CAT: variants seen among roughly 807,000 people sequenced by gnomAD.
CAT encodes catalase, also known as epididymis secretory sperm binding protein.
CAT carries 43 observed loss-of-function variants against 59.0 expected under a neutral mutation model. The ratio of observed to expected loss-of-function variants is 0.73; its 90% CI spans 0.57 to 0.94. The LOEUF (loss-of-function observed/expected upper bound fraction) is 0.94. Ranked by LOEUF, CAT falls within the 40% of genes least tolerant of loss-of-function variation. CAT has a pLI of 0.00. For missense variants in CAT, 664 were observed against 682.9 expected, an observed-to-expected ratio of 0.97 and a Z score of 0.31; for synonymous variants, 218 against 230.9, an observed-to-expected ratio of 0.94 and a Z score of 0.51.
chr11:34,447,676 A>T (rs1479324348), intron 1 of CAT, among the ~76,000 whole-genome samples: 1 of 152,218 alleles, frequency 6.6e-6, no homozygotes, highest in Non-Finnish European at 1.5e-5. Flanking sequence ...AGAAAAATAA[A>T]ACTTCAAATG....
At chr11:34,456,849 A>T in intron 8 of CAT, 32 bp downstream of exon 8, 1 of 1,612,846 alleles carries the variant, frequency 6.2e-7, no homozygotes, top group Non-Finnish European at 8.5e-7. Flanking sequence ...GTTCTGAGGC[A>T]GGTGTCCATG....
At chr11:34,461,591 CT>C (rs1856652590) in intron 9 of CAT, among the ~76,000 whole-genome samples, 1 of 152,200 alleles carries the variant, frequency 6.6e-6, no homozygotes. Context: ...TGCTTTTTAT[CT>C]ATTTTATATA....
chr11:34,469,546 C>T (rs890584185), intron 11 of CAT, among the ~76,000 whole-genome samples: 1 of 152,092 alleles, frequency 6.6e-6, no homozygotes, highest in Non-Finnish European at 1.5e-5. Context: ...TGTCTGGGCC[C>T]GTTTCTCAAT....
chr11:34,469,091 A>G (rs1447617083), intron 11 of CAT, among the ~76,000 whole-genome samples: 1 of 152,226 alleles, frequency 6.6e-6, no homozygotes, highest in African/African-American at 2.4e-5. Flanking sequence ...ATGGCCGCTC[A>G]TCGAGCTGAG....
chr11:34,452,051 T>C, intron 3 of CAT, 26 bp from the exon 4 acceptor site: 2 of 1,613,774 alleles, frequency 1.2e-6, no homozygotes, highest in Non-Finnish European at 1.7e-6. Context: ...TGGCTTATGC[T>C]TCCTGTTTCC....
intron 1 of CAT, among the ~76,000 whole-genome samples, chr11:34,439,460 C>T (rs1187998592): frequency 6.6e-6 from 1 of 152,094 alleles, no homozygotes; most frequent in African/African-American, 2.4e-5. Flanking sequence ...TAATGGTGCC[C>T]TTCTTGAAAT....
rs1323655751 is a variant in CAT at position 34,453,941 on chromosome 11, TG to T, written c.711+19del. 1.2e-6 allele frequency: 2 copies of T among 1,612,838 alleles called. No individual in the cohort carries two copies. Among genetic ancestry groups the T allele is most frequent in the Non-Finnish European group, 1.7e-6 (2 of 1,179,036 alleles). ...TCCATTATAAGGTATGTGTTACCTT[TG>T]GGGCAGAGGGTACAAGGCTCCTACC... On this transcript the variant is annotated intron_variant, in intron 6 of 12. Coordinates refer to ENST00000241052, the MANE Select transcript of CAT (RefSeq NM_001752.4).
At position 34,468,312 on chromosome 11, in the gene CAT, C is replaced by T. The variant is rs775035055; in HGVS notation, c.1351C>T (p.Leu451=). The change falls in exon 11 of 13, where the codon CTG becomes TTG. Residue 451 remains leucine, a synonymous_variant. Coordinates refer to ENST00000241052, the MANE Select transcript of CAT (RefSeq NM_001752.4). ...TQVRAFYVNV[L]NEEQRKRLCE... The stretch of plus-strand genomic sequence containing the variant: ...GGTGCGGGCATTCTATGTGAACGTG[C>T]TGAATGAGGAACAGAGGAAACGTCT... The T allele has an allele frequency of 6.2e-7, 1 of 1,613,898 alleles. No homozygotes were observed. Among genetic ancestry groups the T allele is most frequent in the Non-Finnish European group, 8.5e-7 (1 of 1,179,862 alleles).
intron 1 of CAT, among the ~76,000 whole-genome samples, chr11:34,440,136 G>T (rs1856371009): frequency 6.6e-6 from 1 of 152,192 alleles, no homozygotes; most frequent in South Asian, 2.1e-4. Context: ...GAGGACTGCA[G>T]CCCTGTTTTC....
intron 10 of CAT, among the ~76,000 whole-genome samples, chr11:34,468,054 A>G (rs890916716): frequency 1.2e-4 from 18 of 152,214 alleles, no homozygotes; most frequent in African/African-American, 3.1e-4. Flanking sequence ...AGAGATTTAT[A>G]GCAGTTACTA....
chr11:34,444,152 T>TG (rs1349037234), intron 1 of CAT, among the ~76,000 whole-genome samples: 1 of 152,118 alleles, frequency 6.6e-6, no homozygotes, highest in African/African-American at 2.4e-5. Context: ...GTCTGTGTCT[T>TG]GCGTGTTGGC....
At position 34,456,164 on chromosome 11, in the gene CAT, G is replaced by A. The variant is rs1220966884; in HGVS notation, c.865G>A (p.Ala289Thr). Residue 289 changes from alanine (A) to threonine (T), a missense_variant, in exon 7 of 13, where the codon GCA becomes ACA. Transcript: ENST00000241052. ...CATCCAGGTCATGACATTTAATCAG[G>A]CAGAAACTTTTCCATTTAATCCATT... ...FYIQVMTFNQ[A>T]ETFPFNPFDL... is the part of the protein sequence containing the mutation. 4 of 1,613,908 alleles carry A rather than the reference G, an allele frequency of 2.5e-6. No individual in the cohort carries two copies. The African/African-American group carries it at 5.3e-5, about 22-fold the overall frequency.
intron 4 of CAT, 78 bp from the exon 5 acceptor site, chr11:34,453,012 A>G: frequency 2.4e-6 from 2 of 822,000 alleles, no homozygotes; most frequent in Non-Finnish European, 4.3e-6. Flanking sequence ...AAACCTAGTA[A>G]TAGGCATATA....
intron 9 of CAT, 32 bp from the exon 10 acceptor site, chr11:34,464,073 C>A: frequency 6.2e-7 from 1 of 1,613,434 alleles, no homozygotes; most frequent in South Asian, 1.1e-5. Context: ...TTTTCTTATT[C>A]CTAAGTGCAT....
chr11:34,459,049 C>A (rs758820891), intron 8 of CAT, among the ~76,000 whole-genome samples: 1 of 151,854 alleles, frequency 6.6e-6, no homozygotes, highest in Admixed American at 6.6e-5. Context: ...TTCGAAAGAG[C>A]TTTCATAAGT....
intron 6 of CAT, among the ~76,000 whole-genome samples, chr11:34,455,745 T>C (rs1232638473): frequency 2.0e-5 from 3 of 152,198 alleles, no homozygotes; most frequent in Non-Finnish European, 4.4e-5. Flanking sequence ...ATTCAAATAA[T>C]AGAATACATA....
Position 34,452,124 on chromosome 11 carries a change from G to A in CAT, c.397G>A (p.Ala133Thr). The change falls in exon 4 of 13, where the codon GCA becomes ACA. Residue 133 changes from alanine (A) to threonine (T), a missense_variant. Coordinates refer to ENST00000241052, the MANE Select transcript of CAT (RefSeq NM_001752.4). ...ADTVRDPRGF[A>T]VKFYTEDGNW... ...CACAGTTCGGGACCCTCGTGGGTTT[G>A]CAGTGAAATTTTACACAGAAGATGG... is the stretch of plus-strand genomic sequence containing the variant. 2 of 1,613,806 alleles carry A rather than the reference G, an allele frequency of 1.2e-6. No individual in the cohort carries two copies. The highest frequency in any genetic ancestry group is 1.3e-5 in the African/African-American group (1 of 74,984).
In CAT at chr11:34,468,499, T is replaced by G; in HGVS notation, c.1434+104T>G. 3 of 769,378 alleles carry G rather than the reference T, an allele frequency of 3.9e-6. No individual in the cohort carries two copies. In the South Asian group the frequency reaches 4.6e-5, roughly 12 times the overall value. The allele number at this position is 769,378 out of a possible 1,614,324, so 47.7% of individuals were successfully genotyped here. ...AAGTGCCATTTCTGTTTTACTTGAC[T>G]TAAGAGAACTTAAAAAAAAAAAAAT... On this transcript the variant is annotated intron_variant, in intron 11 of 12. Transcript: ENST00000241052.
chr11:34,467,597 T>A (rs1244970118), intron 10 of CAT, among the ~76,000 whole-genome samples: 2 of 152,168 alleles, frequency 1.3e-5, no homozygotes, highest in Non-Finnish European at 2.9e-5. Context: ...TCAATATTTG[T>A]TGAATGAGTG....
Sources: gnomAD v4.1 joint callset for allele counts (sites outside exome capture counted in the v4.1 genomes callset) on GRCh38, gnomAD v4.1.1 for gene constraint, MANE v1.5 for transcripts, NCBI Gene and HGNC (gene_info 2026-07-23, HGNC 2026-07-21) for gene names.